The following TMF1 variants were observed in gnomAD, a reference collection of about 807,000 sequenced individuals.
TMF1 encodes TATA element modulatory factor.
In TMF1, 71 loss-of-function variants were observed where a neutral mutation model predicts 126.5. The observed-to-expected ratio is 0.56, with a 90% CI of 0.46 to 0.68. TMF1 has a LOEUF of 0.68. Among genes scored for constraint, TMF1 ranks in the 30% least tolerant of loss-of-function variants. The pLI, the probability that TMF1 is intolerant of heterozygous loss-of-function variation, is 0.00. For missense variants in TMF1, 1,259 were observed against 1,253.2 expected (o/e 1.00, Z -0.07); for synonymous variants, 461 against 430.5 (o/e 1.07, Z -0.88).
In TMF1 at chr3:69,020,285, A is replaced by C. The variant is rs769534570; in HGVS notation, c.*2892T>G. 6.6e-6 allele frequency: 1 copy of C among 151,732 alleles called. No homozygotes were observed. Among genetic ancestry groups the C allele is most frequent in the Non-Finnish European group, 1.5e-5 (1 of 67,998 alleles). 9.4% of individuals were successfully genotyped at this position (151,732 alleles called of 1,614,324 possible). ...CATTTAGAATATCTTAAGTCACAAC[A>C]TAGATATATTTGGTACATTCCACAT... On this transcript the variant is annotated 3_prime_UTR_variant, in exon 17 of 17. Transcript: ENST00000398559.
Position 69,048,072 on chromosome 3 carries a change from A to G in TMF1, c.633T>C (p.Ser211=), listed in dbSNP as rs771214047. The G allele has an allele frequency of 1.7e-5, 28 of 1,614,052 alleles. No individual in the cohort carries two copies. Among genetic ancestry groups the G allele is most frequent in the Non-Finnish European group, 2.3e-5 (27 of 1,180,050 alleles). The change falls in exon 2 of 17, where the codon TCT becomes TCC. Residue 211 remains serine, a synonymous_variant. Coordinates refer to ENST00000398559, the MANE Select transcript of TMF1 (RefSeq NM_007114.3). The part of the protein sequence containing the change: ...IDVKTTMESI[S]NTSTQSLTAE... ...CTGTGAGAGACTGCGTAGACGTATT[A>G]GATATACTTTCCATAGTTGTTTTCA... is the stretch of plus-strand genomic sequence containing the variant.
chr3:69,030,144 G>A, intron 10 of TMF1, 137 bp from the exon 11 acceptor site: 1 of 657,060 alleles, frequency 1.5e-6, no homozygotes, highest in African/African-American at 1.8e-5. Flanking sequence ...CCTAAGGCAG[G>A]ACTGTCTACT....
At chr3:69,032,999 C>A (rs1018362403) in intron 10 of TMF1, among the ~76,000 whole-genome samples, 1 of 151,992 alleles carries the variant, frequency 6.6e-6, no homozygotes, top group South Asian at 2.1e-4. Context: ...TGGAATTCTA[C>A]CAGTGATGAG....
Position 69,052,238 on chromosome 3 carries a change from G to C in TMF1, c.-152C>G. The stretch of plus-strand genomic sequence containing the variant: ...TACCCCGACAGCCTCCCGCGAGCCC[G>C]GGATGTTACCCTCGGCCGTTCCCGC... On this transcript the variant is annotated 5_prime_UTR_variant, in exon 1 of 17. Coordinates refer to ENST00000398559, the MANE Select transcript of TMF1 (RefSeq NM_007114.3). The C allele has an allele frequency of 1.2e-6, 1 of 838,042 alleles. No homozygotes were observed. Among genetic ancestry groups the C allele is most frequent in the Admixed American group, 3.2e-5 (1 of 30,804 alleles). The allele number at this position is 838,042 out of a possible 1,614,324, so 51.9% of individuals were successfully genotyped here.
chr3:69,039,646 T>G lies in TMF1; in HGVS notation c.1732A>C (p.Lys578Gln). 6.2e-7 allele frequency: 1 copy of G among 1,613,824 alleles called. No homozygotes were observed. The highest frequency in any genetic ancestry group is 8.5e-7 in the Non-Finnish European group (1 of 1,179,942). Residue 578 changes from lysine to glutamine, a missense_variant, in exon 6 of 17, where the codon AAA becomes CAA. Physicochemically the swap from Lys to Gln is moderately conservative, Grantham distance 53. Coordinates refer to ENST00000398559, the MANE Select transcript of TMF1 (RefSeq NM_007114.3). ...QQLHNSNIIK[K>Q]LRAKDKENEN... ...TTCTCCTTGTCTTTAGCTCTTAATT[T>G]CTTGATGATGTTAGAATTGTGCAGC...
intron 9 of TMF1, among the ~76,000 whole-genome samples, chr3:69,034,508 C>A (rs2091821869): frequency 6.6e-6 from 1 of 152,026 alleles, no homozygotes; most frequent in South Asian, 2.1e-4. Context: ...TAAATAAGTG[C>A]TTCTTTAAAA....
intron 10 of TMF1, 140 bp from the exon 11 acceptor site, chr3:69,030,147 T>C: frequency 1.6e-6 from 1 of 629,758 alleles, no homozygotes; most frequent in East Asian, 2.9e-5. Flanking sequence ...AAGGCAGGAC[T>C]GTCTACTGAG....
At position 69,025,667 on chromosome 3, in the gene TMF1, T is replaced by A. The variant is rs1368233477; in HGVS notation, c.2905A>T (p.Asn969Tyr). The change falls in exon 15 of 17, where the codon AAT (asparagine) becomes TAT (tyrosine). Residue 969 changes from asparagine (N) to tyrosine (Y), a missense_variant. Physicochemically the swap from Asn to Tyr is moderately radical, Grantham distance 143 (BLOSUM62 -2). Coordinates refer to ENST00000398559, the MANE Select transcript of TMF1 (RefSeq NM_007114.3). ...ACAGCATCATAAAGATTGCTTCCATTTGCTGATATAGGCATTGGTCCAAAT... is the reference window on the plus strand; with the variant it reads ...ACAGCATCATAAAGATTGCTTCCATATGCTGATATAGGCATTGGTCCAAAT... ...HSFGPMPISA[N>Y]GSNLYDAVRM... 1 of 1,614,068 alleles carries A rather than the reference T, an allele frequency of 6.2e-7. No homozygotes were observed. The highest frequency in any genetic ancestry group is 2.2e-5 in the East Asian group (1 of 44,858).
In TMF1 at chr3:69,020,580, G is replaced by C. The variant is rs1294344857; in HGVS notation, c.*2597C>G. ...TATAAATATTATTTTGCAAGAATAT[G>C]GGTAGAGATGTTTTAATGACAAACA... On this transcript the variant is annotated 3_prime_UTR_variant, in exon 17 of 17. Transcript: ENST00000398559. 6.6e-6 allele frequency: 1 copy of C among 152,080 alleles called. No homozygotes were observed. The highest frequency in any genetic ancestry group is 2.4e-5 in the African/African-American group (1 of 41,436). The allele number at this position is 152,080 out of a possible 1,614,324, so 9.4% of individuals were successfully genotyped here.
At chr3:69,030,180 A>G in intron 10 of TMF1, 173 bp from the exon 11 acceptor site, 1 of 496,398 alleles carries the variant, frequency 2.0e-6, no homozygotes, top group South Asian at 4.0e-5. Flanking sequence ...ATCTTAACTT[A>G]TACCTGCTTT....
At chr3:69,041,472 C>T (rs1189807332) in intron 5 of TMF1, among the ~76,000 whole-genome samples, 1 of 152,136 alleles carries the variant, frequency 6.6e-6, no homozygotes, top group African/African-American at 2.4e-5. Context: ...CAACTGTTCT[C>T]AAACGCTACC....
chr3:69,046,083 T>C (rs2091894278), intron 2 of TMF1, among the ~76,000 whole-genome samples: 1 of 152,126 alleles, frequency 6.6e-6, no homozygotes, highest in Non-Finnish European at 1.5e-5. Context: ...CACGCTAGCC[T>C]GGACAATAGA....
rs369588729 is a variant in TMF1, at chr3:69,028,439, G to C, written c.2595-144C>G. On this transcript the variant is annotated intron_variant, in intron 11 of 16. Transcript: ENST00000398559. ...GCTTGACATCAGTGATTTTCCAACA[G>C]TGTGTTCCAGATCCCATCTGAGTTT... 7 of 578,792 alleles carry C rather than the reference G, an allele frequency of 1.2e-5. No homozygotes were observed. In the African/African-American group the frequency reaches 1.3e-4, roughly 11 times the overall value. 35.9% of individuals were successfully genotyped at this position (578,792 alleles called of 1,614,324 possible). A position where few individuals can be genotyped will look rare whatever the true frequency, so the allele number is the denominator to read the frequency against.
Position 69,029,797 on chromosome 3 carries a change from C to T in TMF1, c.2594+18G>A. 1 of 1,587,578 alleles carries T rather than the reference C, an allele frequency of 6.3e-7. No individual in the cohort carries two copies. The highest frequency in any genetic ancestry group is 8.6e-7 in the Non-Finnish European group (1 of 1,167,894). ...TGTCACGGAACTACCAAAAATATCACTCAGAAACCATGCTCACCTATTGTT... is the reference window on the plus strand; with the variant it reads ...TGTCACGGAACTACCAAAAATATCATTCAGAAACCATGCTCACCTATTGTT... On this transcript the variant is annotated intron_variant, in intron 11 of 16. Transcript: ENST00000398559.
In TMF1 at chr3:69,047,533, G is replaced by C; in HGVS notation, c.1172C>G (p.Ala391Gly). The C allele has an allele frequency of 6.2e-7, 1 of 1,614,108 alleles. No homozygotes were observed. The highest frequency in any genetic ancestry group is 1.3e-5 in the African/African-American group (1 of 75,040). The change falls in exon 2 of 17, where the codon GCA (alanine) becomes GGA (glycine). Residue 391 changes from alanine (A) to glycine (G), a missense_variant. Physicochemically the swap from Ala to Gly is moderately conservative, Grantham distance 60. Coordinates refer to ENST00000398559, the MANE Select transcript of TMF1 (RefSeq NM_007114.3). ...ACTTCGTCCACTTTCTTCCATTTCT[G>C]CTTCCTCAGTGGGTATAACTAATGT... ...NETLVIPTEE[A>G]EMEESGRSAT...
In TMF1 at chr3:69,038,994, C is replaced by G. The variant is rs1443277153; in HGVS notation, c.1843G>C (p.Glu615Gln). The G allele has an allele frequency of 1.9e-6, 3 of 1,594,986 alleles. No individual in the cohort carries two copies. Among genetic ancestry groups the G allele is most frequent in the Non-Finnish European group, 2.6e-6 (3 of 1,172,278 alleles). ...TCTCTATGTTGTTTCTCAACCTCTT[C>G]TTTGCCATCAAGGACCTATATGTTA... ...QHLKQVLDGK[E>Q]EVEKQHRENI... The change falls in exon 7 of 17, where the codon GAA becomes CAA. Residue 615 changes from glutamate (E) to glutamine (Q), a missense_variant. Glu to Gln is a conservative substitution (Grantham distance 29). Transcript: ENST00000398559.
At chr3:69,049,995 C>T (rs772910727) in intron 1 of TMF1, among the ~76,000 whole-genome samples, 3 of 152,046 alleles carry the variant, frequency 2.0e-5, no homozygotes, top group Non-Finnish European at 2.9e-5. Flanking sequence ...CGCAGTGGCT[C>T]ACGCTTGTAA....
chr3:69,047,961 G>C lies in TMF1; in HGVS notation c.744C>G (p.Thr248=), dbSNP rs1355607236. 3 of 1,613,788 alleles carry C rather than the reference G, an allele frequency of 1.9e-6. No individual in the cohort carries two copies. Among genetic ancestry groups the C allele is most frequent in the Non-Finnish European group, 2.5e-6 (3 of 1,180,026 alleles). The change falls in exon 2 of 17, where the codon ACC becomes ACG. Residue 248 remains threonine, a synonymous_variant. Transcript: ENST00000398559. ...QSNTPSPPVS[T]FSSGTSTTSD... ...TGGTGGTAGAAGTACCTGATGAAAAGGTACTAACAGGAGGAGAAGGTGTAT... is the reference window on the plus strand; with the variant it reads ...TGGTGGTAGAAGTACCTGATGAAAACGTACTAACAGGAGGAGAAGGTGTAT...
rs1241692506 is a variant in TMF1, at chr3:69,048,306, T to A, written c.399A>T (p.Leu133Phe). 6 of 1,614,116 alleles carry A rather than the reference T, an allele frequency of 3.7e-6. No individual in the cohort carries two copies. Among genetic ancestry groups the A allele is most frequent in the Non-Finnish European group, 5.1e-6 (6 of 1,180,054 alleles). The change falls in exon 2 of 17, where the codon TTA becomes TTT. Residue 133 changes from leucine to phenylalanine, a missense_variant. Transcript: ENST00000398559. ...ACTGGCCAATGTGCAAGGATTCATG[T>A]AAGCTGCTTTTCACTTCTTCTTCTG... ...QRPEEEVKSS[L>F]HESLHIGQSR...
Sources: allele counts gnomAD v4.1 joint callset (sites outside exome capture counted in the v4.1 genomes callset), GRCh38; gene constraint gnomAD v4.1.1; transcripts MANE v1.5; gene names NCBI Gene and HGNC (gene_info 2026-07-23, HGNC 2026-07-21).